TTLL11: variants seen among roughly 807,000 people sequenced by gnomAD.
The protein encoded by TTLL11 is tubulin tyrosine ligase like 11.
TTLL11 carries 42 observed loss-of-function variants against 51.7 expected under a neutral mutation model. The ratio of observed to expected loss-of-function variants is 0.81; its 90% CI spans 0.64 to 1.05. The LOEUF (loss-of-function observed/expected upper bound fraction) is 1.05. TTLL11 is among the 50% of genes least tolerant of loss of function. The probability of loss-of-function intolerance (pLI) is 0.00; values close to 1 mark genes in which losing one functional copy is unlikely to be tolerated. For synonymous variants in TTLL11, 381 were observed against 383.5 expected, an observed-to-expected ratio of 0.99 and a Z score of 0.08; for missense variants, 799 against 940.4, an observed-to-expected ratio of 0.85 and a Z score of 1.97.
rs575753222 is a variant in TTLL11 at position 121,955,523 on chromosome 9, G to A, written c.1481+18486C>T. ...GTAATGATCACAATAATCTTGTTAGGTGGCTATTACTGTGAGTCACATTTT... is the reference window on the plus strand; with the variant it reads ...GTAATGATCACAATAATCTTGTTAGATGGCTATTACTGTGAGTCACATTTT... On this transcript the variant is annotated intron_variant, in intron 6 of 8. Transcript: ENST00000321582. 4.3e-4 allele frequency among the ~76,000 whole-genome samples: 65 copies of A among 152,252 alleles called. No homozygotes were observed. The Middle Eastern group carries it at 0.01, about 24-fold the overall frequency.
intron 1 of TTLL11, among the ~76,000 whole-genome samples, chr9:122,066,924 C>G (rs1395512147): frequency 6.6e-6 from 1 of 152,104 alleles, no homozygotes; most frequent in Non-Finnish European, 1.5e-5. Context: ...GGGGAAGAGA[C>G]CCTTATAAAA....
chr9:122,053,171 G>A (rs1299375516), intron 1 of TTLL11, among the ~76,000 whole-genome samples: 1 of 152,164 alleles, frequency 6.6e-6, no homozygotes, highest in African/African-American at 2.4e-5. Flanking sequence ...AGGAATCCAG[G>A]AGCCGGGTCG....
chr9:122,055,224 G>A (rs1664227321), intron 1 of TTLL11, among the ~76,000 whole-genome samples: 1 of 151,436 alleles, frequency 6.6e-6, no homozygotes. Context: ...TAGATAGATA[G>A]ATAGATAGAT....
intron 6 of TTLL11, among the ~76,000 whole-genome samples, chr9:121,961,839 T>C (rs1178697500): frequency 3.9e-5 from 6 of 152,134 alleles, no homozygotes. Flanking sequence ...GTGAATTGCC[T>C]GAGGTCAGGA....
intron 1 of TTLL11, among the ~76,000 whole-genome samples, chr9:122,065,703 C>T (rs757680441): frequency 8.5e-5 from 13 of 152,126 alleles, no homozygotes; most frequent in Non-Finnish European, 1.8e-4. Context: ...CTGCATTTTC[C>T]CAAACTGCAC....
At chr9:122,015,574 T>A (rs1843937021) in intron 3 of TTLL11, among the ~76,000 whole-genome samples, 1 of 152,120 alleles carries the variant, frequency 6.6e-6, no homozygotes. Context: ...ATTCTCCATG[T>A]TACTTCCCAG....
In TTLL11 at chr9:122,039,886, T is replaced by TCTCA. The variant is rs1355809615; in HGVS notation, c.463-519_463-518insTGAG. Among the ~76,000 whole-genome samples the TCTCA allele has an allele frequency of 1.3e-3, 185 of 147,868 alleles. 1 individual carries two copies. Among genetic ancestry groups the TCTCA allele is most frequent in the African/African-American group, 4.5e-3 (179 of 39,750 alleles). ...ATCTCTCTCTCTCTCTCTCTCTCTC[T>TCTCA]CACACACACACACACACATACACAC... On this transcript the variant is annotated intron_variant, in intron 1 of 8. Transcript: ENST00000321582.
In TTLL11 at chr9:122,031,796, A is replaced by G. The variant is rs764256055; in HGVS notation, c.620T>C (p.Leu207Pro). 13 of 1,614,050 alleles carry G rather than the reference A, an allele frequency of 8.1e-6. No individual in the cohort carries two copies. In the South Asian group the frequency reaches 1.3e-4, roughly 16 times the overall value. ...LSRAVRTMQN[L>P]FPEEYNFYPR... ...GTAGAAGTTGTACTCCTCAGGAAAG[A>G]GATTCTGCATGGTTCTCACTGCTCT... Residue 207 changes from leucine to proline, a missense_variant, in exon 3 of 9, where the codon CTC (leucine) becomes CCC (proline). Leu to Pro is a moderately conservative substitution (Grantham distance 98). This residue lies in a region of TTLL11 where 468 missense variants were observed against 612.8 expected (regional missense o/e 0.76). Transcript: ENST00000321582.
intron 3 of TTLL11, among the ~76,000 whole-genome samples, chr9:122,003,475 A>G (rs1843544406): frequency 6.9e-6 from 1 of 145,632 alleles, no homozygotes; most frequent in African/African-American, 2.5e-5. Flanking sequence ...CGAAATATGC[A>G]TACGTTCCTT....
At chr9:121,851,879 CTGT>C (rs1214019247) in intron 8 of TTLL11, among the ~76,000 whole-genome samples, 1 of 152,176 alleles carries the variant, frequency 6.6e-6, no homozygotes, top group African/African-American at 2.4e-5. Context: ...CCTGGACATG[CTGT>C]TGTTGTTAAC....
At chr9:121,948,863 C>T (rs1351295882) in intron 6 of TTLL11, among the ~76,000 whole-genome samples, 1 of 152,186 alleles carries the variant, frequency 6.6e-6, no homozygotes, top group African/African-American at 2.4e-5. Context: ...GCAGACACAA[C>T]ACGGTATAAG....
chr9:121,941,700 T>G (rs1333015264), intron 6 of TTLL11, among the ~76,000 whole-genome samples: 3 of 152,192 alleles, frequency 2.0e-5, no homozygotes, highest in Admixed American at 6.5e-5. Flanking sequence ...ACACTTCTCA[T>G]CTGCCAACTG....
At chr9:121,961,944 T>A (rs1012509323) in intron 6 of TTLL11, among the ~76,000 whole-genome samples, 1 of 152,032 alleles carries the variant, frequency 6.6e-6, no homozygotes, top group African/African-American at 2.4e-5. Context: ...TGATACCAGC[T>A]ACTCGGGAGG....
intron 8 of TTLL11, among the ~76,000 whole-genome samples, chr9:121,834,554 C>T (rs866381169): frequency 3.3e-5 from 5 of 151,310 alleles, no homozygotes; most frequent in Non-Finnish European, 7.4e-5. Flanking sequence ...ACAGGCCAGG[C>T]GCGGTGGCTC....
chr9:121,887,062 G>A (rs1426344034), intron 6 of TTLL11, among the ~76,000 whole-genome samples: 2 of 152,288 alleles, frequency 1.3e-5, no homozygotes, highest in East Asian at 3.9e-4. Context: ...AGCCTGTCAC[G>A]GTGGGTTTCA....
chr9:122,033,048 G>A (rs985825501), intron 2 of TTLL11, among the ~76,000 whole-genome samples: 31 of 152,232 alleles, frequency 2.0e-4, no homozygotes, highest in Middle Eastern at 6.8e-3. Context: ...CCATCCACCT[G>A]CCTTGGCCTC....
rs1159489395 is a variant in TTLL11 at position 121,821,547 on chromosome 9, C to T, written c.*1040G>A. ...CAATAGGCCCTGGACCTTGGCATGC[C>T]CAAGGCTGTTTCCAAAATGCCACCT... On this transcript the variant is annotated 3_prime_UTR_variant, in exon 9 of 9. Transcript: ENST00000321582. The surrounding 1 kb of genome is among the most constrained non-coding windows in gnomAD (Gnocchi z 5.0). Among the ~76,000 whole-genome samples the T allele has an allele frequency of 6.6e-6, 1 of 152,066 alleles. No individual in the cohort carries two copies. The highest frequency in any genetic ancestry group is 2.4e-5 in the African/African-American group (1 of 41,422).
intron 6 of TTLL11, among the ~76,000 whole-genome samples, chr9:121,928,236 G>A (rs1299020496): frequency 6.6e-6 from 1 of 152,116 alleles, no homozygotes; most frequent in African/African-American, 2.4e-5. Flanking sequence ...AAAATGTGAT[G>A]TCACTTCTAT....
At chr9:121,860,254 C>G (rs1837964051) in intron 8 of TTLL11, 83 bp downstream of exon 8, 5 of 1,063,876 alleles carry the variant, frequency 4.7e-6, no homozygotes, top group Non-Finnish European at 5.5e-6. Context: ...CCCATCTGAA[C>G]CCTTGACAAG....
Sources: gnomAD v4.1 joint callset for allele counts (sites outside exome capture counted in the v4.1 genomes callset) on GRCh38, gnomAD v4.1.1 for gene constraint, gnomAD v4.1.1 regional missense constraint, Gnocchi (gnomAD v3.1) non-coding constraint, MANE v1.5 for transcripts, NCBI Gene and HGNC (gene_info 2026-07-23, HGNC 2026-07-21) for gene names.